Variants in PLD5 observed in about 807,000 individuals in gnomAD.
PLD5 encodes inactive phospholipase D5.
PLD5 carries 36 observed loss-of-function variants against 61.1 expected under a neutral mutation model. That is an observed-to-expected ratio of 0.59 (90% CI 0.45 to 0.78). The LOEUF (loss-of-function observed/expected upper bound fraction) is 0.78, where lower values mean the gene tolerates loss of function less well. Ranked by LOEUF, PLD5 falls within the 30% of genes least tolerant of loss-of-function variation. The pLI is 0.00. For synonymous variants in PLD5, 243 were observed against 242.8 expected, an observed-to-expected ratio of 1.00 and a Z score of -0.01; for missense variants, 515 against 644.4, an observed-to-expected ratio of 0.80 and a Z score of 2.17.
chr1:242,123,112 G>A lies in PLD5; in HGVS notation c.933+1356C>T, dbSNP rs79135248. ...TAAATCTGCACTTTAAGCATACTTC[G>A]TAGCCAATTCTTAAGTACAGTAAGT... On this transcript the variant is annotated intron_variant, in intron 6 of 9. Transcript: ENST00000536534. Among the ~76,000 whole-genome samples the A allele has an allele frequency of 4.2e-3, 642 of 152,228 alleles. 8 individuals are homozygous for A. The highest frequency in any genetic ancestry group is 0.015 in the African/African-American group (624 of 41,550).
At chr1:242,192,633 T>C (rs1185103265) in intron 5 of PLD5, among the ~76,000 whole-genome samples, 1 of 151,938 alleles carries the variant, frequency 6.6e-6, no homozygotes, top group South Asian at 2.1e-4. Flanking sequence ...ACTAGACAAA[T>C]GAGAAAGGAT....
At chr1:242,480,258 TGTAGGG>T (rs1667729372) in intron 1 of PLD5, among the ~76,000 whole-genome samples, 1 of 152,104 alleles carries the variant, frequency 6.6e-6, no homozygotes, top group Non-Finnish European at 1.5e-5. Context: ...ATCCAATTGG[TGTAGGG>T]GTAGCCCTTT....
chr1:242,309,982 A>T (rs1676602463), intron 2 of PLD5, among the ~76,000 whole-genome samples: 1 of 151,414 alleles, frequency 6.6e-6, no homozygotes, highest in Non-Finnish European at 1.5e-5. Context: ...ATAACAGCTC[A>T]CTCAACAGTG....
chr1:242,257,925 C>T (rs1401888378), intron 4 of PLD5, among the ~76,000 whole-genome samples: 1 of 152,156 alleles, frequency 6.6e-6, no homozygotes, highest in Non-Finnish European at 1.5e-5. Context: ...TTTACCACTG[C>T]GTGTTTGCTA....
At chr1:242,144,321 G>A (rs955497124) in intron 5 of PLD5, among the ~76,000 whole-genome samples, 1 of 151,962 alleles carries the variant, frequency 6.6e-6, no homozygotes, top group African/African-American at 2.4e-5. Context: ...CACACCATAA[G>A]TCAGCTTGGG....
At chr1:242,328,450 G>GTGTGTTCTACATATGTGTTC in intron 2 of PLD5, among the ~76,000 whole-genome samples, 1 of 152,294 alleles carries the variant, frequency 6.6e-6, no homozygotes, top group East Asian at 1.9e-4. Flanking sequence ...TACATGTGTT[G>GTGTGTTCTACATATGTGTTC]TACATGTGTG....
intron 7 of PLD5, among the ~76,000 whole-genome samples, chr1:242,109,314 A>G (rs1486757779): frequency 1.3e-5 from 2 of 152,088 alleles, no homozygotes; most frequent in Admixed American, 6.6e-5. Flanking sequence ...CCCGTCTCTA[A>G]TAAAAATACA....
At chr1:242,239,021 T>C (rs1357675898) in intron 4 of PLD5, among the ~76,000 whole-genome samples, 1 of 152,204 alleles carries the variant, frequency 6.6e-6, no homozygotes, top group Non-Finnish European at 1.5e-5. Flanking sequence ...TTGGGTTCTA[T>C]ATTATGTCAT....
intron 7 of PLD5, among the ~76,000 whole-genome samples, chr1:242,108,571 G>T (rs556378384): frequency 1.3e-5 from 2 of 152,276 alleles, no homozygotes; most frequent in East Asian, 3.9e-4. Flanking sequence ...CTCTGCCTCT[G>T]CCGGCCCCCA....
chr1:242,224,218 C>A (rs995537059), intron 4 of PLD5, among the ~76,000 whole-genome samples: 56 of 152,114 alleles, frequency 3.7e-4, no homozygotes, highest in African/African-American at 1.3e-3. Flanking sequence ...AGTAATTTTT[C>A]ATGCATTACA....
intron 1 of PLD5, among the ~76,000 whole-genome samples, chr1:242,398,735 C>T (rs1363629056): frequency 2.6e-5 from 4 of 152,078 alleles, no homozygotes; most frequent in Non-Finnish European, 4.4e-5. Flanking sequence ...TCAAAATTGC[C>T]GTCAGAAGAA....
Position 242,089,840 on chromosome 1 carries a change from G to A in PLD5, c.*14C>T. ...TATGAAATACAGAGCTGTCCTGTCA[G>A]TTTCTTCATCATGTTATACGTTCCG... On this transcript the variant is annotated 3_prime_UTR_variant, in exon 10 of 10. Transcript: ENST00000536534. 6.2e-7 allele frequency: 1 copy of A among 1,613,878 alleles called. No homozygotes were observed. Among genetic ancestry groups the A allele is most frequent in the East Asian group, 2.2e-5 (1 of 44,882 alleles).
chr1:242,186,072 A>G, intron 5 of PLD5, among the ~76,000 whole-genome samples: 1 of 152,200 alleles, frequency 6.6e-6, no homozygotes, highest in East Asian at 1.9e-4. Context: ...TCATTCAAGT[A>G]TTTTAAATAA....
intron 5 of PLD5, among the ~76,000 whole-genome samples, chr1:242,195,993 G>A (rs368255733): frequency 2.6e-5 from 4 of 152,126 alleles, no homozygotes; most frequent in African/African-American, 4.8e-5. Context: ...GGGGATGGAC[G>A]GAAATAAATT....
intron 1 of PLD5, among the ~76,000 whole-genome samples, chr1:242,443,769 T>G (rs1666380493): frequency 6.6e-6 from 1 of 152,220 alleles, no homozygotes; most frequent in Non-Finnish European, 1.5e-5. Flanking sequence ...ACCACACCAC[T>G]TCTTTTGTAA....
intron 5 of PLD5, among the ~76,000 whole-genome samples, chr1:242,162,634 T>A (rs980573293): frequency 6.6e-6 from 1 of 152,170 alleles, no homozygotes; most frequent in African/African-American, 2.4e-5. Flanking sequence ...AATGTTACTG[T>A]ATGTGTGGTT....
chr1:242,490,827 T>C (rs1013648611), intron 1 of PLD5, among the ~76,000 whole-genome samples: 27 of 151,828 alleles, frequency 1.8e-4, no homozygotes, highest in Non-Finnish European at 1.5e-5. Context: ...TTGGCAACAG[T>C]AGACCCTGGG....
chr1:242,218,339 A>G (rs1371071488), intron 5 of PLD5, among the ~76,000 whole-genome samples: 1 of 152,262 alleles, frequency 6.6e-6, no homozygotes, highest in Non-Finnish European at 1.5e-5. Flanking sequence ...AGTATAGTGT[A>G]AAGGTAACTT....
chr1:242,489,742 A>C (rs1668080115), intron 1 of PLD5, among the ~76,000 whole-genome samples: 1 of 152,228 alleles, frequency 6.6e-6, no homozygotes, highest in Non-Finnish European at 1.5e-5. Flanking sequence ...GTTTAGCCAG[A>C]AAGTATTCAG....
Sources: gnomAD v4.1 joint callset for allele counts (sites outside exome capture counted in the v4.1 genomes callset) on GRCh38, gnomAD v4.1.1 for gene constraint, MANE v1.5 for transcripts, NCBI Gene and HGNC (gene_info 2026-07-23, HGNC 2026-07-21) for gene names.